DNAH14: variants seen among roughly 807,000 people sequenced by gnomAD.
DNAH14 encodes axonemal beta dynein heavy chain 14.
Under a neutral mutation model 520.9 loss-of-function variants are expected in DNAH14, and 478 were observed. That is an observed-to-expected ratio of 0.92 (90% CI 0.85 to 0.99). DNAH14 has a LOEUF of 0.99. Among genes scored for constraint, DNAH14 ranks in the 50% least tolerant of loss-of-function variants. DNAH14 has a pLI of 0.00. For missense variants in DNAH14, 4,831 were observed against 5,234.5 expected, an observed-to-expected ratio of 0.92 and a Z score of 2.38; for synonymous variants, 1,581 against 1,757.2, an observed-to-expected ratio of 0.90 and a Z score of 2.51.
At chr1:225,147,401 T>C in intron 31 of DNAH14, 152 bp downstream of exon 31, 1 of 744,038 alleles carries the variant, frequency 1.3e-6, no homozygotes, top group Non-Finnish European at 1.9e-6. Context: ...GGCAGTTACC[T>C]TGAATGTTTC....
chr1:225,382,618 G>A (rs1470287847), intron 81 of DNAH14, among the ~76,000 whole-genome samples: 2 of 151,970 alleles, frequency 1.3e-5, no homozygotes, highest in Non-Finnish European at 2.9e-5. Context: ...TGAGGCTAAG[G>A]GAGGAGAATT....
intron 66 of DNAH14, among the ~76,000 whole-genome samples, chr1:225,335,303 G>C (rs1558426292): frequency 7.2e-6 from 1 of 138,898 alleles, no homozygotes; most frequent in Non-Finnish European, 1.6e-5. Context: ...ATACACATGT[G>C]TACACGTGTG....
intron 41 of DNAH14, among the ~76,000 whole-genome samples, chr1:225,230,194 A>G (rs10159197): frequency 0.11 from 16,889 of 152,198 alleles, 1,436 homozygotes; most frequent in East Asian, 0.24. Flanking sequence ...ATCATAAAAC[A>G]ACAATTATTT....
At position 225,045,326 on chromosome 1, in the gene DNAH14, GTACAGAGTTTCTGTATACTCT is replaced by G. The variant is rs1261984213; in HGVS notation, c.1912+1345_1912+1365del. Among the ~76,000 whole-genome samples the G allele has an allele frequency of 2.0e-5, 3 of 151,570 alleles. No homozygotes were observed. The East Asian group carries it at 5.8e-4, about 29-fold the overall frequency. On this transcript the variant is annotated intron_variant, in intron 15 of 85. Transcript: ENST00000682510. ...GAGACTTCTATAAGTTGGAAGCGTA[GTACAGAGTTTCTGTATACTCT>G]TTATATGCTTTAATCTAGTTATGAA... is the stretch of plus-strand genomic sequence containing the variant.
intron 8 of DNAH14, among the ~76,000 whole-genome samples, chr1:224,980,584 C>T (rs1265647585): frequency 6.6e-6 from 1 of 152,180 alleles, no homozygotes; most frequent in Non-Finnish European, 1.5e-5. Context: ...GGATGCAAGC[C>T]TGGCAGGCTT....
At chr1:225,092,546 G>T (rs1573005110) in intron 21 of DNAH14, among the ~76,000 whole-genome samples, 1 of 151,956 alleles carries the variant, frequency 6.6e-6, no homozygotes, top group Non-Finnish European at 1.5e-5. Context: ...TAACAGGGAA[G>T]TTTATAGCAC....
At chr1:225,378,608 G>A (rs777955015) in intron 79 of DNAH14, among the ~76,000 whole-genome samples, 8 of 152,092 alleles carry the variant, frequency 5.3e-5, no homozygotes, top group Admixed American at 1.3e-4. Flanking sequence ...CTGGCCGGGC[G>A]CGGTGGGCTC....
At chr1:225,243,819 C>T (rs2092114581) in intron 43 of DNAH14, among the ~76,000 whole-genome samples, 1 of 151,908 alleles carries the variant, frequency 6.6e-6, no homozygotes. Context: ...TCTTCTCTTC[C>T]TATCTTCATA....
At chr1:225,364,026 C>T (rs1364942925) in intron 75 of DNAH14, among the ~76,000 whole-genome samples, 3 of 152,050 alleles carry the variant, frequency 2.0e-5, no homozygotes, top group Non-Finnish European at 4.4e-5. Context: ...TAAAGTGTCC[C>T]TCAATTGGGT....
chr1:225,149,310 G>C (rs2080255470), intron 31 of DNAH14, among the ~76,000 whole-genome samples: 1 of 152,122 alleles, frequency 6.6e-6, no homozygotes, highest in Admixed American at 6.6e-5. Context: ...CCAGTACCAT[G>C]CTGTTTTGAT....
chr1:225,234,714 A>G (rs2091439027), intron 42 of DNAH14, among the ~76,000 whole-genome samples: 1 of 152,040 alleles, frequency 6.6e-6, no homozygotes, highest in African/African-American at 2.4e-5. Flanking sequence ...GTCCTCTCTG[A>G]TTTCCTTGAG....
At chr1:225,366,108 G>A (rs961226211) in intron 76 of DNAH14, among the ~76,000 whole-genome samples, 1 of 152,084 alleles carries the variant, frequency 6.6e-6, no homozygotes, top group Admixed American at 6.6e-5. Flanking sequence ...TCAGCCTCTA[G>A]ATATCAGAAA....
chr1:225,384,606 G>A (rs531217856), intron 81 of DNAH14, among the ~76,000 whole-genome samples: 5 of 152,172 alleles, frequency 3.3e-5, no homozygotes, highest in Non-Finnish European at 7.4e-5. Context: ...ACACCTCTAC[G>A]CAAATAAACT....
At chr1:225,122,757 CA>C (rs2077399404) in intron 26 of DNAH14, among the ~76,000 whole-genome samples, 1 of 151,988 alleles carries the variant, frequency 6.6e-6, no homozygotes, top group Non-Finnish European at 1.5e-5. Flanking sequence ...TTGTTATTGA[CA>C]TATTTCTCCT....
At chr1:225,206,498 A>T (rs1328619026) in intron 40 of DNAH14, among the ~76,000 whole-genome samples, 1 of 152,180 alleles carries the variant, frequency 6.6e-6, no homozygotes, top group Non-Finnish European at 1.5e-5. Flanking sequence ...AGGCCTTTTC[A>T]TACTCACTCT....
At chr1:225,251,667 A>G (rs2092557529) in intron 43 of DNAH14, among the ~76,000 whole-genome samples, 1 of 152,212 alleles carries the variant, frequency 6.6e-6, no homozygotes, top group Non-Finnish European at 1.5e-5. Flanking sequence ...AAGAATATAT[A>G]TAAATTACGT....
Position 225,011,600 on chromosome 1 carries a change from A to C in DNAH14, c.1107+4056A>C, listed in dbSNP as rs140366752. ...TAGGTCTCTAAGAACTTGCTTTATG[A>C]ATCTGGGTGCTCCTGTGTTGGGTGC... On this transcript the variant is annotated intron_variant, in intron 10 of 85. Coordinates refer to ENST00000682510, the MANE Select transcript of DNAH14 (RefSeq NM_001367479.1). Among the ~76,000 whole-genome samples the C allele has an allele frequency of 5.0e-3, 763 of 152,178 alleles. 6 individuals are homozygous for C. The highest frequency in any genetic ancestry group is 0.017 in the African/African-American group (720 of 41,490).
chr1:225,138,732 T>A (rs2079176154), intron 27 of DNAH14, among the ~76,000 whole-genome samples: 2 of 152,148 alleles, frequency 1.3e-5, no homozygotes, highest in Non-Finnish European at 2.9e-5. Context: ...CCGCCTCCCC[T>A]GGCTGGGGGT....
At position 225,043,964 on chromosome 1, in the gene DNAH14, T is replaced by G. The variant is rs891880906; in HGVS notation, c.1893T>G (p.Thr631=). The change falls in exon 15 of 86, where the codon ACT becomes ACG. Residue 631 remains threonine (T), a synonymous_variant. Coordinates refer to ENST00000682510, the MANE Select transcript of DNAH14 (RefSeq NM_001367479.1). ...CAGTAAAAATTCAAAATATGTTGACTAATATGGAAAAATGTATAAGTAAGT... is the reference window on the plus strand; with the variant it reads ...CAGTAAAAATTCAAAATATGTTGACGAATATGGAAAAATGTATAAGTAAGT... ...EFSVKIQNML[T]NMEKCITTIT... is the part of the protein sequence containing the mutation. 1.3e-6 allele frequency: 2 copies of G among 1,499,704 alleles called. No homozygotes were observed. Among genetic ancestry groups the G allele is most frequent in the South Asian group, 2.5e-5 (2 of 79,528 alleles). The allele number at this position is 1,499,704 out of a possible 1,614,324, so 92.9% of individuals were successfully genotyped here.
Sources: gnomAD v4.1 joint callset for allele counts (sites outside exome capture counted in the v4.1 genomes callset) on GRCh38, gnomAD v4.1.1 for gene constraint, MANE v1.5 for transcripts, NCBI Gene and HGNC (gene_info 2026-07-23, HGNC 2026-07-21) for gene names.